Variants in MYO18B observed in about 807,000 individuals in gnomAD.
The protein encoded by MYO18B is unconventional myosin-XVIIIb.
In MYO18B, 204 loss-of-function variants were observed where a neutral mutation model predicts 273.0. The ratio of observed to expected loss-of-function variants is 0.75; its 90% confidence interval spans 0.67 to 0.84. MYO18B has a LOEUF of 0.84. Among genes scored for constraint, MYO18B ranks in the 40% least tolerant of loss-of-function variants. The pLI is 0.00. For synonymous variants in MYO18B, 1,330 were observed against 1,305.7 expected (o/e 1.02, Z -0.40); for missense variants, 3,212 against 3,287.6 (o/e 0.98, Z 0.56).
intron 12 of MYO18B, among the ~76,000 whole-genome samples, chr22:25,817,393 C>CCTT (rs1569062112): frequency 9.2e-5 from 11 of 119,596 alleles, no homozygotes; most frequent in Middle Eastern, 3.9e-3. Flanking sequence ...CTCCCTCCCT[C>CCTT]CCTTCCTTCC....
chr22:26,054,923 A>C, the MYO18B span, among the ~76,000 whole-genome samples: 162 of 152,238 alleles, frequency 1.1e-3, 2 homozygotes, highest in East Asian at 0.023. Flanking sequence ...TGAGGATCCC[A>C]GATATAAAGT....
Position 25,876,291 on chromosome 22 carries a change from C to T in MYO18B, c.4183C>T (p.Leu1395Phe). The T allele has an allele frequency of 6.2e-7, 1 of 1,613,556 alleles. No individual in the cohort carries two copies. The change falls in exon 24 of 44, where the codon CTT becomes TTT. Residue 1395 changes from leucine (L) to phenylalanine (F), a missense_variant. By Grantham distance (22) the Leu-to-Phe change is conservative (BLOSUM62 0). Transcript: ENST00000335473. ...GCTGCTTGGTTCCCTCCAGCCTCTA[C>T]TTAGTGCCACCATTGGAACTGAGCA... ...WQLLGSLQPLLSATIGTEQLR... is the reference protein window; with the variant it reads ...WQLLGSLQPLFSATIGTEQLR...
At position 25,768,156 on chromosome 22, in the gene MYO18B, C is replaced by G; in HGVS notation, c.240C>G (p.Ser80Arg). The G allele has an allele frequency of 6.2e-7, 1 of 1,610,564 alleles. No homozygotes were observed. Among genetic ancestry groups the G allele is most frequent in the Non-Finnish European group, 8.5e-7 (1 of 1,178,164 alleles). Residue 80 changes from serine to arginine, a missense_variant, in exon 4 of 44, where the codon AGC becomes AGG. Transcript: ENST00000335473. ...ISISQPNSKS[S>R]SGTRSGSQQI... Reference sequence around the variant, plus strand: ...TCAGCCAACCCAACAGCAAGTCCAGCAGTGGCACCAGATCTGGAAGCCAGC... The same window carrying G: ...TCAGCCAACCCAACAGCAAGTCCAGGAGTGGCACCAGATCTGGAAGCCAGC...
At chr22:25,749,294 C>A (rs938970548) in intron 1 of MYO18B, among the ~76,000 whole-genome samples, 1 of 152,130 alleles carries the variant, frequency 6.6e-6, no homozygotes, top group Admixed American at 6.5e-5. Flanking sequence ...ATGTTGAAGC[C>A]CTCAGAGATA....
chr22:25,955,139 C>A, intron 38 of MYO18B, 40 bp from the exon 39 acceptor site: 1 of 1,527,796 alleles, frequency 6.5e-7, no homozygotes, highest in Non-Finnish European at 8.8e-7. Flanking sequence ...TACCCCTGGC[C>A]TCCAACTCCA....
intron 12 of MYO18B, among the ~76,000 whole-genome samples, chr22:25,804,155 A>G (rs1362143960): frequency 1.3e-5 from 2 of 152,218 alleles, no homozygotes; most frequent in African/African-American, 4.8e-5. Context: ...TGCAGCTACA[A>G]ATCCCATTTT....
At chr22:25,778,011 A>C (rs984690579) in intron 8 of MYO18B, among the ~76,000 whole-genome samples, 4 of 152,226 alleles carry the variant, frequency 2.6e-5, no homozygotes, top group Non-Finnish European at 5.9e-5. Context: ...TTTGCAGAAC[A>C]ATCATCATAC....
chr22:26,059,714 T>C, the MYO18B span, among the ~76,000 whole-genome samples: 1 of 152,222 alleles, frequency 6.6e-6, no homozygotes, highest in Admixed American at 6.5e-5. Context: ...AGAATTAGTC[T>C]CACAATTCCA....
chr22:25,752,886 C>T (rs1394911930), intron 1 of MYO18B, among the ~76,000 whole-genome samples: 2 of 152,148 alleles, frequency 1.3e-5, no homozygotes, highest in African/African-American at 4.8e-5. Flanking sequence ...TCGGAGGCTC[C>T]GTACTCGGAG....
intron 42 of MYO18B, among the ~76,000 whole-genome samples, chr22:26,016,037 A>G (rs949472630): frequency 6.6e-6 from 1 of 152,190 alleles, no homozygotes; most frequent in African/African-American, 2.4e-5. Flanking sequence ...CTGCATCTTC[A>G]TGGGGAACTG....
chr22:25,927,675 C>G (rs553866102), intron 34 of MYO18B, among the ~76,000 whole-genome samples: 3 of 152,270 alleles, frequency 2.0e-5, no homozygotes, highest in Non-Finnish European at 1.5e-5. Flanking sequence ...TACTCCCTCC[C>G]CTTTTGAAAC....
intron 12 of MYO18B, among the ~76,000 whole-genome samples, chr22:25,798,988 C>T (rs991100434): frequency 5.3e-5 from 8 of 152,100 alleles, no homozygotes; most frequent in African/African-American, 1.9e-4. Context: ...TTGACCTGGT[C>T]TTCCAAGTGG....
chr22:25,765,943 C>T (rs906100232), intron 3 of MYO18B, among the ~76,000 whole-genome samples: 2 of 152,176 alleles, frequency 1.3e-5, no homozygotes. Context: ...GTCCTGCCTT[C>T]CCCCAGAAGG....
In MYO18B at chr22:25,992,468, G is replaced by C; in HGVS notation, c.6262G>C (p.Ala2088Pro). 1 of 1,613,980 alleles carries C rather than the reference G, an allele frequency of 6.2e-7. No individual in the cohort carries two copies. The highest frequency in any genetic ancestry group is 1.3e-5 in the African/African-American group (1 of 75,048). The change falls in exon 40 of 44, where the codon GCA (alanine) becomes CCA (proline). Residue 2088 changes from alanine (A) to proline (P), a missense_variant. By Grantham distance (27) the Ala-to-Pro change is conservative. Transcript: ENST00000335473. ...CCTGCAGGCTGCCTTGGAAGAAGTG[G>C]CATCCAGTGACAGTGATACTGAGAG... ...ADLQAALEEV[A>P]SSDSDTESVQ...
chr22:26,013,039 C>T (rs1935037141), intron 42 of MYO18B, among the ~76,000 whole-genome samples: 1 of 152,124 alleles, frequency 6.6e-6, no homozygotes, highest in South Asian at 2.1e-4. Flanking sequence ...TAGATATGCC[C>T]CTTTTTGAAC....
At chr22:25,875,804 G>C (rs1467977102) in intron 23 of MYO18B, among the ~76,000 whole-genome samples, 1 of 152,144 alleles carries the variant, frequency 6.6e-6, no homozygotes, top group Non-Finnish European at 1.5e-5. Flanking sequence ...GTTATTTGTG[G>C]GCAGTTTTAG....
intron 12 of MYO18B, among the ~76,000 whole-genome samples, chr22:25,800,281 A>C (rs922953015): frequency 6.6e-6 from 1 of 152,202 alleles, no homozygotes; most frequent in Non-Finnish European, 1.5e-5. Context: ...ATCAATCACC[A>C]CTAAAGAACT....
chr22:26,006,090 G>A (rs983849412), intron 42 of MYO18B, among the ~76,000 whole-genome samples: 9 of 152,238 alleles, frequency 5.9e-5, no homozygotes, highest in Admixed American at 1.3e-4. Flanking sequence ...TAGCCTGTCT[G>A]CCAGTGGCAG....
chr22:25,912,824 G>T (rs1183385757), intron 33 of MYO18B, among the ~76,000 whole-genome samples: 1 of 152,100 alleles, frequency 6.6e-6, no homozygotes, highest in East Asian at 1.9e-4. Context: ...GGTTTGAGGT[G>T]TATAATTCCC....
Sources: allele counts gnomAD v4.1 joint callset (sites outside exome capture counted in the v4.1 genomes callset), GRCh38; gene constraint gnomAD v4.1.1; transcripts MANE v1.5; gene names NCBI Gene and HGNC (gene_info 2026-07-23, HGNC 2026-07-21).